Variants in NALF1 observed in about 807,000 individuals in gnomAD.
The protein encoded by NALF1 is family with sequence similarity 155 member A.
NALF1 carries 3 observed loss-of-function variants against 48.4 expected under a neutral mutation model. That is an observed-to-expected ratio of 0.06 (90% CI 0.03 to 0.16). The LOEUF (loss-of-function observed/expected upper bound fraction) is 0.16. NALF1 is among the 10% of genes least tolerant of loss of function. The probability of loss-of-function intolerance (pLI) is 1.00; values close to 1 mark genes in which losing one functional copy is unlikely to be tolerated. For missense variants in NALF1, 526 were observed against 571.5 expected (o/e 0.92, Z 0.81); for synonymous variants, 262 against 245.7 (o/e 1.07, Z -0.62).
At chr13:107,216,062 C>G (rs560727583) in intron 1 of NALF1, among the ~76,000 whole-genome samples, 129 of 152,326 alleles carry the variant, frequency 8.5e-4, no homozygotes, top group Non-Finnish European at 1.3e-3. Flanking sequence ...AGCAGCTGCT[C>G]TCCCTTTTCC....
At chr13:107,679,028 T>A (rs911163135) in intron 1 of NALF1, among the ~76,000 whole-genome samples, 2 of 152,196 alleles carry the variant, frequency 1.3e-5, no homozygotes, top group African/African-American at 4.8e-5. Context: ...CCGTAAAAGG[T>A]CTTTAAGGCC....
chr13:107,285,119 T>C (rs1309345218), intron 1 of NALF1, among the ~76,000 whole-genome samples: 4 of 152,196 alleles, frequency 2.6e-5, no homozygotes, highest in African/African-American at 7.2e-5. Flanking sequence ...TACTTTGAAA[T>C]AGATTTATGT....
intron 1 of NALF1, among the ~76,000 whole-genome samples, chr13:107,804,575 C>A (rs919691794): frequency 7.2e-5 from 11 of 152,174 alleles, no homozygotes; most frequent in African/African-American, 2.7e-4. Flanking sequence ...CCTCACCTCA[C>A]CAAGACCCAG....
chr13:107,789,559 G>C (rs1056696430), intron 1 of NALF1, among the ~76,000 whole-genome samples: 1 of 152,112 alleles, frequency 6.6e-6, no homozygotes, highest in African/African-American at 2.4e-5. Flanking sequence ...GAGTGAAAAA[G>C]AACAGAGACA....
Position 107,685,825 on chromosome 13 carries a change from A to T in NALF1, c.915+179857T>A, listed in dbSNP as rs193123542. 3.9e-4 allele frequency among the ~76,000 whole-genome samples: 60 copies of T among 152,326 alleles called. No homozygotes were observed. The East Asian group carries it at 0.01, about 26-fold the overall frequency. On this transcript the variant is annotated intron_variant, in intron 1 of 2. Coordinates refer to ENST00000375915, the MANE Select transcript of NALF1 (RefSeq NM_001080396.3). ...AATGATTAAATTCCCCTGTGGATTCATGTTTTGAGCAGGATATTTTGAGCA... is the reference window on the plus strand; with the variant it reads ...AATGATTAAATTCCCCTGTGGATTCTTGTTTTGAGCAGGATATTTTGAGCA...
intron 1 of NALF1, among the ~76,000 whole-genome samples, chr13:107,515,571 C>T (rs914506407): frequency 6.6e-6 from 1 of 152,208 alleles, no homozygotes; most frequent in African/African-American, 2.4e-5. Context: ...CTCCATACAG[C>T]TGCAAAGCTC....
At chr13:107,258,910 C>A (rs9587328) in intron 1 of NALF1, among the ~76,000 whole-genome samples, 12,364 of 152,182 alleles carry the variant, frequency 0.081, 582 homozygotes, top group East Asian at 0.13. Flanking sequence ...GAAGTATGCT[C>A]ATGATGAAAC....
At chr13:107,703,673 G>A (rs549578957) in intron 1 of NALF1, among the ~76,000 whole-genome samples, 1 of 152,194 alleles carries the variant, frequency 6.6e-6, no homozygotes, top group East Asian at 1.9e-4. Flanking sequence ...ATCAGTAAAA[G>A]CCCTATCAAT....
chr13:107,754,385 ACACACACACAC>A (rs1433810534), intron 1 of NALF1, among the ~76,000 whole-genome samples: 2 of 147,848 alleles, frequency 1.4e-5, no homozygotes, highest in African/African-American at 5.1e-5. Flanking sequence ...ACACACACAC[ACACACACACAC>A]ACCATATATG....
intron 2 of NALF1, 67 bp from the exon 3 acceptor site, chr13:107,170,853 T>A: frequency 6.8e-7 from 1 of 1,463,268 alleles, no homozygotes; most frequent in Non-Finnish European, 9.4e-7. Context: ...AGAGTGAAGC[T>A]GTTGCTTTAA....
chr13:107,706,918 C>CTTTTTTTTT lies in NALF1; in HGVS notation c.915+158755_915+158763dup, dbSNP rs34091754. On this transcript the variant is annotated intron_variant, in intron 1 of 2. Coordinates refer to ENST00000375915, the MANE Select transcript of NALF1 (RefSeq NM_001080396.3). ...CGCCAGTTTTTAAATCAAGGGCATT[C>CTTTTTTTTT]TTTTTTTTTTTTTTTTTTTTTTGAG... is the stretch of plus-strand genomic sequence containing the variant. Among the ~76,000 whole-genome samples the CTTTTTTTTT allele has an allele frequency of 3.5e-4, 35 of 101,282 alleles. 1 individual carries two copies. The highest frequency in any genetic ancestry group is 1.3e-3 in the African/African-American group (32 of 25,574). The allele number at this position is 101,282 out of a possible 152,430, so 66.4% of individuals were successfully genotyped here.
chr13:107,378,173 A>T (rs36067904), intron 1 of NALF1, among the ~76,000 whole-genome samples: 11,734 of 152,218 alleles, frequency 0.077, 630 homozygotes, highest in Non-Finnish European at 0.12. Context: ...TCTTTATTTT[A>T]CATTCTGTAT....
chr13:107,215,827 C>T (rs1209699120), intron 1 of NALF1, among the ~76,000 whole-genome samples: 2 of 144,656 alleles, frequency 1.4e-5, no homozygotes, highest in East Asian at 2.2e-4. Context: ...TCAAAAAATG[C>T]CCTATGATTA....
chr13:107,371,479 A>T (rs980881206), intron 1 of NALF1, among the ~76,000 whole-genome samples: 5 of 151,736 alleles, frequency 3.3e-5, no homozygotes, highest in African/African-American at 1.2e-4. Context: ...ATAAATAAAT[A>T]GTTTCAAGAT....
At chr13:107,695,073 G>A (rs188578995) in intron 1 of NALF1, among the ~76,000 whole-genome samples, 39 of 152,190 alleles carry the variant, frequency 2.6e-4, no homozygotes, top group African/African-American at 9.1e-4. Context: ...GATGATGGAC[G>A]TGAACCACCA....
chr13:107,656,014 A>T (rs2138471849), intron 1 of NALF1, among the ~76,000 whole-genome samples: 1 of 152,242 alleles, frequency 6.6e-6, no homozygotes, highest in Middle Eastern at 3.4e-3. Context: ...TCAACTCAAG[A>T]CGGATCAAAG....
intron 1 of NALF1, among the ~76,000 whole-genome samples, chr13:107,442,135 T>A (rs1421843809): frequency 2.0e-5 from 3 of 151,934 alleles, no homozygotes; most frequent in Admixed American, 2.0e-4. Flanking sequence ...AGGCAGCCTA[T>A]AGGCAGGAAT....
intron 2 of NALF1, among the ~76,000 whole-genome samples, chr13:107,184,096 G>A (rs1298929548): frequency 6.6e-6 from 1 of 151,074 alleles, no homozygotes; most frequent in African/African-American, 2.4e-5. Flanking sequence ...GTGGTTGATG[G>A]GTGCAGCAAA....
At chr13:107,582,860 T>C (rs1409301490) in intron 1 of NALF1, among the ~76,000 whole-genome samples, 2 of 152,142 alleles carry the variant, frequency 1.3e-5, no homozygotes, top group African/African-American at 4.8e-5. Flanking sequence ...TAGCCTAAAA[T>C]GAGTCTACGC....
Sources: allele counts gnomAD v4.1 joint callset (sites outside exome capture counted in the v4.1 genomes callset), GRCh38; gene constraint gnomAD v4.1.1; transcripts MANE v1.5; gene names NCBI Gene and HGNC (gene_info 2026-07-23, HGNC 2026-07-21).